SAXO1: variants seen among roughly 807,000 people sequenced by gnomAD.
The protein encoded by SAXO1 is 4930500O09Rik.
SAXO1 carries 21 observed loss-of-function variants against 17.5 expected under a neutral mutation model. The observed-to-expected ratio is 1.20, with a 90% CI of 0.85 to 1.72. The LOEUF is 1.72. SAXO1 is among the 40% of genes most tolerant of loss of function. The pLI is 0.00. For synonymous variants in SAXO1, 274 were observed against 216.5 expected, an observed-to-expected ratio of 1.27 and a Z score of -2.33; for missense variants, 843 against 596.0, an observed-to-expected ratio of 1.41 and a Z score of -4.32.
intron 1 of SAXO1, among the ~76,000 whole-genome samples, chr9:19,005,965 C>A (rs1378198847): frequency 6.6e-6 from 1 of 152,122 alleles, no homozygotes; most frequent in Non-Finnish European, 1.5e-5. Context: ...AACAACCCAC[C>A]TTGAGTAGAC....
At chr9:18,993,722 A>C (rs2131848133) in intron 1 of SAXO1, among the ~76,000 whole-genome samples, 1 of 152,304 alleles carries the variant, frequency 6.6e-6, no homozygotes, top group South Asian at 2.1e-4. Flanking sequence ...ACCAACAGTC[A>C]TCAAGACCTT....
At position 19,044,097 on chromosome 9, in the gene SAXO1, C is replaced by T. The variant is rs186995333; in HGVS notation, c.-158+5112G>A. On this transcript the variant is annotated intron_variant, in intron 1 of 3. Coordinates refer to the SAXO1 transcript ENST00000542071. Reference sequence around the variant, plus strand: ...GAGGTAGAGGCTGCAGTGTGTCATGCCACTGCACTCCAGCCTGGGCAATGG... The same window carrying T: ...GAGGTAGAGGCTGCAGTGTGTCATGTCACTGCACTCCAGCCTGGGCAATGG... Among the ~76,000 whole-genome samples, 138 of 150,100 alleles carry T rather than the reference C, an allele frequency of 9.2e-4. 1 individual carries two copies. The highest frequency in any genetic ancestry group is 9.0e-3 in the Admixed American group (137 of 15,162).
intron 1 of SAXO1, among the ~76,000 whole-genome samples, chr9:19,008,187 C>T (rs555552850): frequency 3.3e-5 from 5 of 152,216 alleles, no homozygotes; most frequent in African/African-American, 1.2e-4. Context: ...GTTGCCCAGG[C>T]TGGTGATCTT....
At chr9:18,939,255 G>C (rs990194391) in intron 3 of SAXO1, among the ~76,000 whole-genome samples, 6 of 152,156 alleles carry the variant, frequency 3.9e-5, no homozygotes, top group African/African-American at 9.7e-5. Flanking sequence ...GTAAACACTG[G>C]ATTAAAAAGG....
chr9:19,022,740 T>C (rs1434260471), intron 1 of SAXO1, among the ~76,000 whole-genome samples: 2 of 152,246 alleles, frequency 1.3e-5, no homozygotes, highest in Non-Finnish European at 1.5e-5. Context: ...AGTCTAGATA[T>C]TTAAAATATA....
At chr9:18,958,150 G>T (rs1396913333) in intron 1 of SAXO1, among the ~76,000 whole-genome samples, 1 of 152,160 alleles carries the variant, frequency 6.6e-6, no homozygotes, top group African/African-American at 2.4e-5. Context: ...CTAGCCAGGT[G>T]CGGTGGCTCA....
At chr9:18,961,580 A>T (rs1347546177) in intron 1 of SAXO1, among the ~76,000 whole-genome samples, 4 of 151,686 alleles carry the variant, frequency 2.6e-5, no homozygotes, top group Non-Finnish European at 5.9e-5. Flanking sequence ...GAGTGGGAAC[A>T]TGTGGTGTTT....
intron 1 of SAXO1, among the ~76,000 whole-genome samples, chr9:18,962,628 CATATCGTTCACCCACTTTTTG>C (rs1832535022): frequency 6.6e-6 from 1 of 151,292 alleles, no homozygotes; most frequent in East Asian, 1.9e-4. Context: ...AGCGTCTGTT[CATATCGTTCACCCACTTTTTG>C]ATGGGGTTGT....
intron 1 of SAXO1, among the ~76,000 whole-genome samples, chr9:19,009,268 C>G (rs1157124520): frequency 1.3e-5 from 2 of 151,982 alleles, no homozygotes; most frequent in African/African-American, 4.8e-5. Context: ...TTAATCCCAG[C>G]AGAGCTAAGA....
chr9:19,041,151 T>C (rs1588576712), intron 1 of SAXO1, among the ~76,000 whole-genome samples: 1 of 111,922 alleles, frequency 8.9e-6, no homozygotes, highest in African/African-American at 4.1e-5. Context: ...CTGCCAACAG[T>C]GAACAATCTG....
intron 1 of SAXO1, among the ~76,000 whole-genome samples, chr9:18,996,556 T>C (rs753679586): frequency 6.6e-6 from 1 of 152,208 alleles, no homozygotes; most frequent in Non-Finnish European, 1.5e-5. Flanking sequence ...TATTCAGTCT[T>C]TTGTTAACCA....
intron 1 of SAXO1, among the ~76,000 whole-genome samples, chr9:18,959,237 G>A (rs987507731): frequency 5.3e-5 from 8 of 152,182 alleles, no homozygotes; most frequent in African/African-American, 1.9e-4. Flanking sequence ...GGGGCAGTGG[G>A]TGGAAGAACT....
chr9:18,945,483 G>C (rs976809856), intron 2 of SAXO1, among the ~76,000 whole-genome samples: 7 of 152,162 alleles, frequency 4.6e-5, no homozygotes, highest in African/African-American at 1.4e-4. Flanking sequence ...AATGTCAAAA[G>C]GCACCCTTCT....
In SAXO1 at chr9:19,020,831, C is replaced by T. The variant is rs149447064; in HGVS notation, c.38+12040G>A. Reference sequence around the variant, plus strand: ...AGTTCTAGGGCATGGGGATATTGTTCCAGTATCACTAACAATGGTGACATT... The same window carrying T: ...AGTTCTAGGGCATGGGGATATTGTTTCAGTATCACTAACAATGGTGACATT... On this transcript the variant is annotated intron_variant, in intron 1 of 3. Coordinates refer to ENST00000380534, the MANE Select transcript of SAXO1 (RefSeq NM_153707.4). 5.4e-3 allele frequency among the ~76,000 whole-genome samples: 815 copies of T among 152,184 alleles called. 2 individuals carry two copies. The highest frequency in any genetic ancestry group is 9.3e-3 in the Non-Finnish European group (630 of 68,004).
chr9:18,937,484 C>T (rs1324597030), intron 3 of SAXO1, among the ~76,000 whole-genome samples: 1 of 152,144 alleles, frequency 6.6e-6, no homozygotes, highest in Non-Finnish European at 1.5e-5. Flanking sequence ...AGGTGAGTGA[C>T]AGAACAAACA....
At chr9:19,012,004 C>A (rs1241655433) in intron 1 of SAXO1, among the ~76,000 whole-genome samples, 2 of 152,188 alleles carry the variant, frequency 1.3e-5, no homozygotes, top group South Asian at 4.1e-4. Context: ...GGTCACCATG[C>A]CCGGCCAATT....
At chr9:19,042,750 T>G (rs1200958524) in intron 1 of SAXO1, among the ~76,000 whole-genome samples, 1 of 152,126 alleles carries the variant, frequency 6.6e-6, no homozygotes, top group Non-Finnish European at 1.5e-5. Context: ...TAATCCCCGC[T>G]ACTCGGGAGG....
chr9:18,940,628 C>T (rs1384141375), intron 3 of SAXO1, among the ~76,000 whole-genome samples: 1 of 152,216 alleles, frequency 6.6e-6, no homozygotes, highest in Non-Finnish European at 1.5e-5. Context: ...AACTGTTCAG[C>T]TTGTCCTCCT....
chr9:19,016,965 G>C (rs1835000742), intron 1 of SAXO1, among the ~76,000 whole-genome samples: 1 of 152,018 alleles, frequency 6.6e-6, no homozygotes, highest in South Asian at 2.1e-4. Context: ...TGAGGCCTGA[G>C]CATGTGACCA....
Sources: allele counts gnomAD v4.1 joint callset (sites outside exome capture counted in the v4.1 genomes callset), GRCh38; gene constraint gnomAD v4.1.1; transcripts MANE v1.5; gene names NCBI Gene and HGNC (gene_info 2026-07-23, HGNC 2026-07-21).